Variants in ELAVL2 observed in about 807,000 individuals in gnomAD.
ELAVL2 encodes ELAV-like protein 2.
A neutral mutation model predicts 34.6 loss-of-function variants in ELAVL2; 4 were observed. That is an observed-to-expected ratio of 0.12 (90% confidence interval 0.06 to 0.26). The LOEUF is 0.26. Among genes scored for constraint, ELAVL2 ranks in the 10% least tolerant of loss-of-function variants. ELAVL2 has a pLI of 1.00. For synonymous variants in ELAVL2, 193 were observed against 154.8 expected (o/e 1.25, Z -1.83); for missense variants, 432 against 442.8 (o/e 0.98, Z 0.22).
Position 23,737,841 on chromosome 9 carries a change from T to A in ELAVL2, c.230-6716A>T, listed in dbSNP as rs905947626. On this transcript the variant is annotated intron_variant, in intron 2 of 6. Coordinates refer to ENST00000397312, the MANE Select transcript of ELAVL2 (RefSeq NM_004432.5). The stretch of plus-strand genomic sequence containing the variant: ...AGACTTGCAACCTGAGGTTTAATAA[T>A]GCAATACTTTTAAAAAGCAAAATGG... Among the ~76,000 whole-genome samples the A allele has an allele frequency of 1.2e-4, 19 of 152,286 alleles. No individual in the cohort carries two copies. In the East Asian group the frequency reaches 3.7e-3, roughly 29 times the overall value.
chr9:23,804,616 A>G (rs1217363869), intron 1 of ELAVL2, among the ~76,000 whole-genome samples: 3 of 152,348 alleles, frequency 2.0e-5, no homozygotes, highest in Non-Finnish European at 4.4e-5. Context: ...AAATTTAAAG[A>G]TAGAAATTGC....
intron 1 of ELAVL2, among the ~76,000 whole-genome samples, chr9:23,811,350 G>A (rs536479325): frequency 1.1e-4 from 16 of 149,890 alleles, no homozygotes; most frequent in Middle Eastern, 3.6e-3. Context: ...AAAAACCCAC[G>A]AAACAGTAAT....
At chr9:23,759,298 TAAGTG>T (rs1404733755) in intron 2 of ELAVL2, among the ~76,000 whole-genome samples, 9 of 151,932 alleles carry the variant, frequency 5.9e-5, no homozygotes, top group Non-Finnish European at 1.5e-5. Flanking sequence ...GACACTATGT[TAAGTG>T]AGGTGAGACA....
intron 5 of ELAVL2, among the ~76,000 whole-genome samples, chr9:23,694,290 G>A (rs2034321210): frequency 6.6e-6 from 1 of 152,056 alleles, no homozygotes; most frequent in Admixed American, 6.5e-5. Flanking sequence ...AAGTAAATAG[G>A]GGTGGGGGTG....
chr9:23,773,062 GA>G (rs199577098), intron 1 of ELAVL2, among the ~76,000 whole-genome samples: 3 of 151,568 alleles, frequency 2.0e-5, no homozygotes, highest in South Asian at 4.2e-4. Context: ...TACATTTCAA[GA>G]AAAAAAAGTG....
intron 3 of ELAVL2, among the ~76,000 whole-genome samples, chr9:23,728,606 A>G (rs1411266908): frequency 3.3e-5 from 5 of 152,110 alleles, no homozygotes; most frequent in Non-Finnish European, 7.4e-5. Flanking sequence ...TCACCAGTAT[A>G]GATTAGACGA....
chr9:23,842,016 CACTT>C, the ELAVL2 span, among the ~76,000 whole-genome samples: 1 of 152,134 alleles, frequency 6.6e-6, no homozygotes, highest in African/African-American at 2.4e-5. Context: ...AATTGCCTGA[CACTT>C]GCTGAAATAT....
At chr9:23,799,083 A>C (rs1734553669) in intron 1 of ELAVL2, among the ~76,000 whole-genome samples, 1 of 152,186 alleles carries the variant, frequency 6.6e-6, no homozygotes, top group Non-Finnish European at 1.5e-5. Context: ...TAAAGTGCTA[A>C]TTATTACACA....
At chr9:23,840,053 G>T in the ELAVL2 span, among the ~76,000 whole-genome samples, 1 of 152,102 alleles carries the variant, frequency 6.6e-6, no homozygotes, top group Non-Finnish European at 1.5e-5. Flanking sequence ...AAGTATTCAC[G>T]CAGACCTGAA....
At chr9:23,829,763 G>A (rs1039637933), upstream of ELAVL2, 1 of 152,190 alleles carries the variant, frequency 6.6e-6, no homozygotes, top group African/African-American at 2.4e-5. Flanking sequence ...GCAAGAGAAA[G>A]AGGCAGGAAT....
upstream of ELAVL2, among the ~76,000 whole-genome samples, chr9:23,828,230 T>A (rs2065389705): frequency 6.6e-6 from 1 of 152,200 alleles, no homozygotes; most frequent in African/African-American, 2.4e-5. Context: ...GGGGAAAGTA[T>A]AATACTGTTT....
chr9:23,726,903 A>G (rs2045346099), intron 3 of ELAVL2, among the ~76,000 whole-genome samples: 1 of 152,106 alleles, frequency 6.6e-6, no homozygotes, highest in Admixed American at 6.6e-5. Context: ...CACTCACTTC[A>G]TGAATAACTC....
At chr9:23,716,209 A>G (rs983696233) in intron 3 of ELAVL2, among the ~76,000 whole-genome samples, 1 of 152,012 alleles carries the variant, frequency 6.6e-6, no homozygotes, top group African/African-American at 2.4e-5. Flanking sequence ...AGATATACCT[A>G]ATGTAAATGA....
chr9:23,725,983 G>A (rs1274628491), intron 3 of ELAVL2, among the ~76,000 whole-genome samples: 1 of 151,938 alleles, frequency 6.6e-6, no homozygotes, highest in Non-Finnish European at 1.5e-5. Context: ...TAAGCAGCCA[G>A]TTAAATCATT....
At chr9:23,718,027 T>G (rs1201754928) in intron 3 of ELAVL2, among the ~76,000 whole-genome samples, 1 of 152,216 alleles carries the variant, frequency 6.6e-6, no homozygotes, top group African/African-American at 2.4e-5. Context: ...CATGCACATC[T>G]TTTAAAGCTA....
At chr9:23,772,712 G>A (rs1395676832) in intron 1 of ELAVL2, among the ~76,000 whole-genome samples, 4 of 152,146 alleles carry the variant, frequency 2.6e-5, no homozygotes, top group Admixed American at 2.6e-4. Context: ...GATCAATACA[G>A]ACAGCTTCCT....
At chr9:23,733,094 C>CG (rs1564149771) in intron 2 of ELAVL2, among the ~76,000 whole-genome samples, 4 of 149,658 alleles carry the variant, frequency 2.7e-5, no homozygotes, top group African/African-American at 9.8e-5. Context: ...CTGATAGATA[C>CG]TCCTCCTCCT....
intron 1 of ELAVL2, among the ~76,000 whole-genome samples, chr9:23,764,112 A>G (rs772035094): frequency 6.6e-6 from 1 of 152,124 alleles, no homozygotes; most frequent in Non-Finnish European, 1.5e-5. Context: ...CACAGCAAAA[A>G]TTCTTCTGGG....
intron 2 of ELAVL2, among the ~76,000 whole-genome samples, chr9:23,749,860 A>G (rs2051451765): frequency 6.6e-6 from 1 of 151,934 alleles, no homozygotes; most frequent in African/African-American, 2.4e-5. Context: ...TTTCATTATA[A>G]TCTATAGAGC....
Sources: gnomAD v4.1 joint callset for allele counts (sites outside exome capture counted in the v4.1 genomes callset) on GRCh38, gnomAD v4.1.1 for gene constraint, MANE v1.5 for transcripts, NCBI Gene and HGNC (gene_info 2026-07-23, HGNC 2026-07-21) for gene names.